Variants in PUDP observed in about 807,000 individuals in gnomAD.
PUDP encodes pseudouridine-5'-phosphatase.
A neutral mutation model predicts 9.4 loss-of-function variants in PUDP; 8 were observed. The ratio of observed to expected loss-of-function variants is 0.85; its 90% CI spans 0.50 to 1.53. PUDP has a LOEUF of 1.53. Ranked by LOEUF, PUDP falls within the 40% of genes most tolerant of loss-of-function variation. The probability of loss-of-function intolerance (pLI) is 0.00; values close to 1 mark genes in which losing one functional copy is unlikely to be tolerated. For missense variants in PUDP, 188 were observed against 189.7 expected (o/e 0.99, Z 0.05); for synonymous variants, 99 against 80.7 (o/e 1.23, Z -1.22).
intron 3 of PUDP, among the ~76,000 whole-genome samples, chrX:6,801,584 C>T (rs1405682609): frequency 8.9e-6 from 1 of 111,772 alleles, no homozygotes; most frequent in Non-Finnish European, 1.9e-5. Flanking sequence ...TCGCCACACA[C>T]ACACCTTCCA....
chrX:6,962,036 A>G (rs954492968), intron 3 of PUDP, among the ~76,000 whole-genome samples: 1 of 112,326 alleles, frequency 8.9e-6, no homozygotes, highest in Non-Finnish European at 1.9e-5. Context: ...AAGGAAAATC[A>G]ATTAGTGATC....
intron 2 of PUDP, among the ~76,000 whole-genome samples, chrX:7,093,071 A>G (rs1426969954): frequency 8.9e-6 from 1 of 112,150 alleles, no homozygotes; most frequent in Non-Finnish European, 1.9e-5. Flanking sequence ...GTACATTCAC[A>G]TTGTTGTACA....
At chrX:6,865,099 T>C (rs1004589915) in intron 3 of PUDP, among the ~76,000 whole-genome samples, 3 of 108,960 alleles carry the variant, frequency 2.8e-5, no homozygotes, top group African/African-American at 9.8e-5. Flanking sequence ...AAAGTAGTGT[T>C]TGCCTCTAGA....
intron 3 of PUDP, among the ~76,000 whole-genome samples, chrX:6,941,112 G>A (rs757665413): frequency 2.7e-5 from 3 of 110,779 alleles, no homozygotes; most frequent in African/African-American, 9.8e-5. Context: ...GTGTAGTACA[G>A]TATTCCTTCT....
At chrX:7,024,731 C>T (rs1384092310) in intron 1 of PUDP, among the ~76,000 whole-genome samples, 6 of 101,742 alleles carry the variant, frequency 5.9e-5, no homozygotes, top group African/African-American at 1.1e-4. Flanking sequence ...GGACTACAGG[C>T]GCTCGCCACC....
At chrX:6,941,217 C>T (rs1395529947) in intron 3 of PUDP, among the ~76,000 whole-genome samples, 1 of 110,913 alleles carries the variant, frequency 9.0e-6, no homozygotes, top group African/African-American at 3.3e-5. Context: ...AAGAGTTGAC[C>T]TCTTAAGGGA....
chrX:6,869,079 C>T (rs1411861889), intron 3 of PUDP, among the ~76,000 whole-genome samples: 2 of 111,770 alleles, frequency 1.8e-5, no homozygotes, highest in East Asian at 2.8e-4. Context: ...GAGAAGAATA[C>T]TGCCTGCTAG....
chrX:7,089,066 G>A (rs755665511), intron 2 of PUDP, among the ~76,000 whole-genome samples: 5 of 112,023 alleles, frequency 4.5e-5, no homozygotes, highest in Admixed American at 9.5e-5. Context: ...TGGAAAGGAT[G>A]CATGTTCCCC....
intron 3 of PUDP, among the ~76,000 whole-genome samples, chrX:6,915,048 T>G (rs890074310): frequency 4.5e-5 from 5 of 112,322 alleles, no homozygotes; most frequent in Non-Finnish European, 9.4e-5. Flanking sequence ...AAAATGTCAT[T>G]CAAACAAACC....
At chrX:7,060,996 C>T (rs889588610) in intron 3 of PUDP, among the ~76,000 whole-genome samples, 6 of 111,741 alleles carry the variant, frequency 5.4e-5, no homozygotes, top group African/African-American at 1.6e-4. Context: ...TAGAGAGGGG[C>T]GTGAGCATAT....
At chrX:6,902,221 T>C (rs915002067) in intron 3 of PUDP, among the ~76,000 whole-genome samples, 1 of 111,624 alleles carries the variant, frequency 9.0e-6, no homozygotes, top group South Asian at 3.8e-4. Context: ...TAAACAGAAA[T>C]CTCAAATGGT....
At chrX:6,842,318 C>G (rs1043084831) in intron 3 of PUDP, among the ~76,000 whole-genome samples, 1 of 111,924 alleles carries the variant, frequency 8.9e-6, no homozygotes, top group Admixed American at 9.5e-5. Context: ...GGCATTCATT[C>G]AATCTCTTTT....
chrX:6,963,052 A>T (rs1055994294), intron 3 of PUDP, among the ~76,000 whole-genome samples: 1 of 112,434 alleles, frequency 8.9e-6, no homozygotes, highest in Non-Finnish European at 1.9e-5. Flanking sequence ...TCAGTCTCAT[A>T]AACAATGTGA....
chrX:7,103,168 C>T (rs1351074735), intron 2 of PUDP, among the ~76,000 whole-genome samples: 1 of 112,046 alleles, frequency 8.9e-6, no homozygotes, highest in East Asian at 2.8e-4. Context: ...GATTTCCAAA[C>T]ATATTACAAA....
At chrX:6,752,955 A>G (rs935293051) in intron 3 of PUDP, among the ~76,000 whole-genome samples, 2 of 111,805 alleles carry the variant, frequency 1.8e-5, no homozygotes, top group Admixed American at 1.9e-4. Flanking sequence ...TACAATTTAT[A>G]TACACAAAAT....
At chrX:7,000,086 C>T (rs372346505) in intron 1 of PUDP, among the ~76,000 whole-genome samples, 1 of 105,476 alleles carries the variant, frequency 9.5e-6, no homozygotes, top group East Asian at 3.0e-4. Context: ...AAACGTCTAG[C>T]AAGACTGAAT....
intron 1 of PUDP, among the ~76,000 whole-genome samples, chrX:7,000,306 A>T (rs1433288002): frequency 8.9e-6 from 1 of 111,881 alleles, no homozygotes; most frequent in Non-Finnish European, 1.9e-5. Flanking sequence ...GAAGAAACAG[A>T]TAAACTAAAA....
At chrX:6,805,270 T>C (rs1364754669) in intron 3 of PUDP, among the ~76,000 whole-genome samples, 2 of 110,197 alleles carry the variant, frequency 1.8e-5, no homozygotes, top group Non-Finnish European at 3.8e-5. Flanking sequence ...ACCCTGTCTC[T>C]TAAAAAAATA....
At chrX:6,917,981 T>C (rs910606892) in intron 3 of PUDP, among the ~76,000 whole-genome samples, 43 of 112,295 alleles carry the variant, frequency 3.8e-4, no homozygotes, top group African/African-American at 1.4e-3. Flanking sequence ...TCATAATGAA[T>C]GATTGCTAAA....
Sources: allele counts gnomAD v4.1 joint callset (sites outside exome capture counted in the v4.1 genomes callset), GRCh38; gene constraint gnomAD v4.1.1; transcripts MANE v1.5; gene names NCBI Gene and HGNC (gene_info 2026-07-23, HGNC 2026-07-21).